Variants in ZNF148 observed in about 807,000 individuals in gnomAD.
The protein encoded by ZNF148 is Beta-Enolase Repressor Factor-1.
In ZNF148, 7 loss-of-function variants were observed where a neutral mutation model predicts 67.7. The ratio of observed to expected loss-of-function variants is 0.10; its 90% CI spans 0.06 to 0.19. ZNF148 has a LOEUF of 0.19. Among genes scored for constraint, ZNF148 ranks in the 10% least tolerant of loss-of-function variants. The pLI is 1.00. For missense variants in ZNF148, 583 were observed against 947.1 expected, an observed-to-expected ratio of 0.62 and a Z score of 5.05; for synonymous variants, 333 against 330.7, an observed-to-expected ratio of 1.01 and a Z score of -0.08.
chr3:125,271,117 T>G (rs535798854), intron 7 of ZNF148, among the ~76,000 whole-genome samples: 2 of 152,290 alleles, frequency 1.3e-5, no homozygotes, highest in Non-Finnish European at 2.9e-5. Flanking sequence ...ATTTCCAACT[T>G]TCCTCACAAA....
chr3:125,238,305 T>C (rs1936186114), intron 7 of ZNF148, among the ~76,000 whole-genome samples: 1 of 152,068 alleles, frequency 6.6e-6, no homozygotes, highest in Admixed American at 6.6e-5. Flanking sequence ...AATTTAAAAC[T>C]TTCATGCTTC....
chr3:125,307,556 G>A (rs375095963), intron 4 of ZNF148, among the ~76,000 whole-genome samples: 31 of 152,134 alleles, frequency 2.0e-4, no homozygotes, highest in African/African-American at 6.7e-4. Flanking sequence ...CGCCCGCTTC[G>A]GCCTCCCAAA....
chr3:125,354,124 C>T (rs1243206215), intron 1 of ZNF148, among the ~76,000 whole-genome samples: 1 of 151,902 alleles, frequency 6.6e-6, no homozygotes, highest in East Asian at 1.9e-4. Context: ...TGCTAATATG[C>T]ATTTTAAGTT....
intron 7 of ZNF148, among the ~76,000 whole-genome samples, chr3:125,244,471 T>C (rs909112513): frequency 2.6e-5 from 4 of 151,948 alleles, no homozygotes; most frequent in African/African-American, 9.7e-5. Context: ...AGGTCACCAA[T>C]ACAACCAAGT....
intron 4 of ZNF148, among the ~76,000 whole-genome samples, chr3:125,311,522 A>C (rs1178592799): frequency 6.6e-6 from 1 of 152,166 alleles, no homozygotes; most frequent in African/African-American, 2.4e-5. Context: ...ATCACACAGA[A>C]ATTTTTTCTG....
At chr3:125,292,978 T>C (rs192263743) in intron 4 of ZNF148, among the ~76,000 whole-genome samples, 4 of 152,328 alleles carry the variant, frequency 2.6e-5, no homozygotes, top group African/African-American at 4.8e-5. Flanking sequence ...ATCAAAAAAA[T>C]GTAAAACAAT....
intron 4 of ZNF148, among the ~76,000 whole-genome samples, chr3:125,295,101 G>GA (rs1181757305): frequency 6.6e-6 from 1 of 151,834 alleles, no homozygotes; most frequent in Non-Finnish European, 1.5e-5. Context: ...TTCAAAATAA[G>GA]AAAAAAACTT....
chr3:125,374,346 T>G (rs182072189), intron 1 of ZNF148, among the ~76,000 whole-genome samples: 1 of 152,318 alleles, frequency 6.6e-6, no homozygotes, highest in Admixed American at 6.5e-5. Flanking sequence ...GTCTATTCTA[T>G]TATGCATTCC....
chr3:125,255,892 T>C (rs1308251957), intron 7 of ZNF148, among the ~76,000 whole-genome samples: 1 of 152,090 alleles, frequency 6.6e-6, no homozygotes, highest in Admixed American at 6.5e-5. Context: ...TGGTCTTTAG[T>C]TTTCAGCTGT....
chr3:125,300,129 G>A (rs1168475695), intron 4 of ZNF148, among the ~76,000 whole-genome samples: 1 of 152,022 alleles, frequency 6.6e-6, no homozygotes, highest in African/African-American at 2.4e-5. Context: ...CCACCACCAT[G>A]CCTGCCTAAT....
intron 4 of ZNF148, among the ~76,000 whole-genome samples, chr3:125,306,016 T>C (rs924339051): frequency 6.6e-6 from 1 of 152,140 alleles, no homozygotes; most frequent in Non-Finnish European, 1.5e-5. Flanking sequence ...ACTTACTAGA[T>C]ATTAATGATG....
chr3:125,350,072 G>T (rs1942082915), intron 1 of ZNF148, among the ~76,000 whole-genome samples: 1 of 152,102 alleles, frequency 6.6e-6, no homozygotes, highest in Non-Finnish European at 1.5e-5. Flanking sequence ...AAGTTCAGAG[G>T]TTCCTCACAA....
chr3:125,294,291 T>C (rs1939172880), intron 4 of ZNF148, among the ~76,000 whole-genome samples: 1 of 152,162 alleles, frequency 6.6e-6, no homozygotes, highest in Admixed American at 6.5e-5. Context: ...GGGTCCTGAA[T>C]TGAATCCTCA....
At chr3:125,236,089 T>TA (rs1936076157) in intron 7 of ZNF148, among the ~76,000 whole-genome samples, 1 of 67,286 alleles carries the variant, frequency 1.5e-5, no homozygotes, top group South Asian at 3.8e-4. Flanking sequence ...TCCTAAAACT[T>TA]AAAGTATTAA....
In ZNF148 at chr3:125,233,750, C is replaced by T. The variant is rs1219479643; in HGVS notation, c.976G>A (p.Gly326Arg). 1.5e-5 allele frequency: 24 copies of T among 1,613,570 alleles called. No individual in the cohort carries two copies. Among genetic ancestry groups the T allele is most frequent in the Non-Finnish European group, 2.0e-5 (24 of 1,179,844 alleles). Reference protein sequence around the residue: ...KRQKTEKKSSGMDKESALDKS... With the variant: ...KRQKTEKKSSRMDKESALDKS... ...TCCAAAGCACTCTCTTTGTCCATTC[C>T]AGATGATTTTTTCTCCGTTTTCTGC... The change falls in exon 9 of 9, where the codon GGA (glycine) becomes AGA (arginine). Residue 326 changes from glycine to arginine, a missense_variant. Gly to Arg is a moderately radical substitution (Grantham distance 125). Coordinates refer to ENST00000360647, the MANE Select transcript of ZNF148 (RefSeq NM_021964.3). The surrounding 1 kb of genome is among the most constrained non-coding windows in gnomAD (Gnocchi z 5.1).
chr3:125,337,274 ATT>A (rs953266684), intron 1 of ZNF148, among the ~76,000 whole-genome samples: 1 of 152,204 alleles, frequency 6.6e-6, no homozygotes, highest in African/African-American at 2.4e-5. Context: ...CTACAAAAGC[ATT>A]GTTATAAACA....
intron 4 of ZNF148, among the ~76,000 whole-genome samples, chr3:125,303,624 C>T (rs1157669794): frequency 1.3e-5 from 2 of 152,152 alleles, no homozygotes; most frequent in Non-Finnish European, 2.9e-5. Flanking sequence ...CCATCACTCC[C>T]ACATGGGATG....
intron 4 of ZNF148, among the ~76,000 whole-genome samples, chr3:125,305,230 CATT>C (rs1157227018): frequency 1.3e-5 from 2 of 152,110 alleles, no homozygotes; most frequent in Non-Finnish European, 2.9e-5. Context: ...GAAAACACAG[CATT>C]ATTTGTACAA....
chr3:125,249,238 A>C (rs543477955), intron 7 of ZNF148, among the ~76,000 whole-genome samples: 8 of 152,326 alleles, frequency 5.3e-5, no homozygotes, highest in African/African-American at 1.9e-4. Context: ...AACCTATGGA[A>C]TGGGAAAAAA....
Sources: gnomAD v4.1 joint callset for allele counts (sites outside exome capture counted in the v4.1 genomes callset) on GRCh38, gnomAD v4.1.1 for gene constraint, Gnocchi (gnomAD v3.1) non-coding constraint, MANE v1.5 for transcripts, NCBI Gene and HGNC (gene_info 2026-07-23, HGNC 2026-07-21) for gene names.